Variants in KIAA1671 observed in about 807,000 individuals in gnomAD.
KIAA1671 encodes KIAA1671, also known as uncharacterized protein KIAA1671.
Under a neutral mutation model 131.2 loss-of-function variants are expected in KIAA1671, and 52 were observed. The ratio of observed to expected loss-of-function variants is 0.40; its 90% CI spans 0.32 to 0.50. KIAA1671 has a LOEUF of 0.50. KIAA1671 is among the 20% of genes least tolerant of loss of function. KIAA1671 has a pLI of 0.73. For missense variants in KIAA1671, 2,360 were observed against 2,364.2 expected, an observed-to-expected ratio of 1.00 and a Z score of 0.04; for synonymous variants, 1,003 against 961.6, an observed-to-expected ratio of 1.04 and a Z score of -0.80.
At chr22:25,001,160 T>C (rs535793795) in intron 1 of KIAA1671, among the ~76,000 whole-genome samples, 1 of 151,142 alleles carries the variant, frequency 6.6e-6, no homozygotes, top group African/African-American at 2.5e-5. Context: ...AATGTGTGTA[T>C]GTGTATGTAT....
rs887356303 is a variant in KIAA1671, at chr22:25,196,836, G to A, written c.*4435G>A. ...ATATTGTGTTATGGAAGATAATTTT[G>A]TACTGTGCTGTTTCCTAAATCATAC... On this transcript the variant is annotated 3_prime_UTR_variant, in exon 13 of 13. Transcript: ENST00000358431. 1 of 152,038 alleles carries A rather than the reference G, an allele frequency of 6.6e-6. No homozygotes were observed. The highest frequency in any genetic ancestry group is 1.5e-5 in the Non-Finnish European group (1 of 68,024). The allele number at this position is 152,038 out of a possible 1,614,324, so 9.4% of individuals were successfully genotyped here. A position where few individuals can be genotyped will look rare whatever the true frequency, so the allele number is the denominator to read the frequency against.
intron 10 of KIAA1671, among the ~76,000 whole-genome samples, chr22:25,184,441 G>A (rs1189024696): frequency 6.6e-6 from 1 of 152,224 alleles, no homozygotes; most frequent in African/African-American, 2.4e-5. Context: ...CGGCCTGGGA[G>A]AGAGAAGCCA....
intron 6 of KIAA1671, among the ~76,000 whole-genome samples, chr22:25,120,585 A>C (rs1931883939): frequency 6.6e-6 from 1 of 152,208 alleles, no homozygotes; most frequent in East Asian, 1.9e-4. Context: ...CCCAACCAAC[A>C]AAATACGGTG....
Position 25,028,275 on chromosome 22 carries a change from C to T in KIAA1671, c.276C>T (p.Ser92=), listed in dbSNP as rs1246722799. Residue 92 remains serine, a synonymous_variant, in exon 3 of 13, where the codon TCC becomes TCT. Transcript: ENST00000358431. The stretch of plus-strand genomic sequence containing the variant: ...TGCGGCCCAGTTCGACTGGACCTTC[C>T]CCCTCTGGGGGGCTCTCTGAGGAGC... ...PSLRPSSTGP[S]PSGGLSEEPA... is the part of the protein sequence containing the mutation. The T allele has an allele frequency of 1.3e-5, 20 of 1,551,406 alleles. No homozygotes were observed. The highest frequency in any genetic ancestry group is 2.7e-5 in the African/African-American group (2 of 73,066).
chr22:25,191,145 C>CTT (rs142339652), intron 12 of KIAA1671, among the ~76,000 whole-genome samples: 3,676 of 128,998 alleles, frequency 0.028, 104 homozygotes, highest in African/African-American at 0.036. Context: ...GAAATGGTTA[C>CTT]TTTTTTTTTT....
intron 6 of KIAA1671, chr22:25,055,195 G>T: frequency 6.7e-6 from 1 of 149,808 alleles, no homozygotes. Flanking sequence ...AAAAAGGAGG[G>T]GAGGAACATT....
chr22:25,156,607 G>A (rs1933254713), intron 6 of KIAA1671, among the ~76,000 whole-genome samples: 3 of 152,114 alleles, frequency 2.0e-5, no homozygotes, highest in South Asian at 4.2e-4. Context: ...ATGTGTTTGT[G>A]TATGTGTTTT....
chr22:25,096,297 G>A (rs949175685), intron 6 of KIAA1671, among the ~76,000 whole-genome samples: 1 of 152,222 alleles, frequency 6.6e-6, no homozygotes, highest in Non-Finnish European at 1.5e-5. Flanking sequence ...GGGTCAGGGT[G>A]GCAGTGGCAG....
chr22:25,163,990 A>T (rs757599043), intron 6 of KIAA1671, among the ~76,000 whole-genome samples: 1 of 152,180 alleles, frequency 6.6e-6, no homozygotes, highest in Non-Finnish European at 1.5e-5. Context: ...TATAGCCTTT[A>T]GGGGGTACAT....
At chr22:25,139,929 C>G (rs1402892575) in intron 6 of KIAA1671, among the ~76,000 whole-genome samples, 1 of 152,144 alleles carries the variant, frequency 6.6e-6, no homozygotes, top group Non-Finnish European at 1.5e-5. Flanking sequence ...GTCTTTGTGG[C>G]CAGGTGGCAG....
At chr22:25,044,300 G>A (rs974032602) in intron 5 of KIAA1671, among the ~76,000 whole-genome samples, 11 of 152,316 alleles carry the variant, frequency 7.2e-5, no homozygotes, top group South Asian at 2.1e-4. Flanking sequence ...GGCCATCCCC[G>A]TGTGCTTCCT....
At chr22:25,163,211 C>G (rs1178450358) in intron 6 of KIAA1671, among the ~76,000 whole-genome samples, 1 of 151,796 alleles carries the variant, frequency 6.6e-6, no homozygotes, top group Admixed American at 6.6e-5. Context: ...GCCTGTAGTC[C>G]CAGCTACTCA....
At chr22:24,979,752 T>C (rs1923130481) in intron 1 of KIAA1671, among the ~76,000 whole-genome samples, 1 of 152,146 alleles carries the variant, frequency 6.6e-6, no homozygotes, top group Non-Finnish European at 1.5e-5. Flanking sequence ...CCTCCCAGAC[T>C]GAAACTCTTC....
At chr22:25,148,771 T>A (rs1211686683) in intron 6 of KIAA1671, among the ~76,000 whole-genome samples, 1 of 152,214 alleles carries the variant, frequency 6.6e-6, no homozygotes, top group Non-Finnish European at 1.5e-5. Context: ...TCTCCTGCCC[T>A]GACCTTGAGT....
intron 6 of KIAA1671, among the ~76,000 whole-genome samples, chr22:25,074,041 T>C (rs1228177549): frequency 6.6e-6 from 1 of 152,144 alleles, no homozygotes; most frequent in African/African-American, 2.4e-5. Context: ...ATTCCACATA[T>C]AAGTGAGAGC....
chr22:25,118,746 G>A (rs532143802), intron 6 of KIAA1671, among the ~76,000 whole-genome samples: 4 of 152,100 alleles, frequency 2.6e-5, no homozygotes, highest in South Asian at 2.1e-4. Context: ...TTTCCTGTGC[G>A]ACCTGGCCCT....
At chr22:25,065,627 G>A (rs546204924) in intron 6 of KIAA1671, among the ~76,000 whole-genome samples, 55 of 151,228 alleles carry the variant, frequency 3.6e-4, no homozygotes, top group Admixed American at 7.3e-4. Context: ...TTTTTTTAAA[G>A]AATTATTATT....
chr22:25,009,506 C>T (rs1452251814), intron 1 of KIAA1671, among the ~76,000 whole-genome samples: 1 of 151,558 alleles, frequency 6.6e-6, no homozygotes, highest in Non-Finnish European at 1.5e-5. Flanking sequence ...CTCAGGTGAT[C>T]TTCCTGCCTC....
intron 6 of KIAA1671, among the ~76,000 whole-genome samples, chr22:25,075,920 C>T (rs933732755): frequency 2.0e-5 from 3 of 151,850 alleles, no homozygotes; most frequent in Admixed American, 6.6e-5. Context: ...GGATTACAGG[C>T]GCCTGCCACC....
Sources: gnomAD v4.1 joint callset for allele counts (sites outside exome capture counted in the v4.1 genomes callset) on GRCh38, gnomAD v4.1.1 for gene constraint, MANE v1.5 for transcripts, NCBI Gene and HGNC (gene_info 2026-07-23, HGNC 2026-07-21) for gene names.